Variants in EXOC6 observed in about 807,000 individuals in gnomAD.
EXOC6 encodes the protein SEC15-like 1.
Under a neutral mutation model 112.5 loss-of-function variants are expected in EXOC6, and 60 were observed. The ratio of observed to expected loss-of-function variants is 0.53; its 90% CI spans 0.43 to 0.66. EXOC6 has a LOEUF of 0.66. Ranked by LOEUF, EXOC6 falls within the 30% of genes least tolerant of loss-of-function variation. EXOC6 has a pLI of 0.00. For synonymous variants in EXOC6, 295 were observed against 308.0 expected (o/e 0.96, Z 0.44); for missense variants, 855 against 957.1 (o/e 0.89, Z 1.41).
At chr10:92,855,340 G>A (rs575506648) in intron 1 of EXOC6, among the ~76,000 whole-genome samples, 89 of 152,190 alleles carry the variant, frequency 5.8e-4, no homozygotes, top group African/African-American at 2.1e-3. Flanking sequence ...GAAACTACAG[G>A]CATGTTCCAC....
At chr10:93,015,536 A>C (rs1012365847) in intron 20 of EXOC6, among the ~76,000 whole-genome samples, 1 of 152,188 alleles carries the variant, frequency 6.6e-6, no homozygotes, top group Non-Finnish European at 1.5e-5. Flanking sequence ...GATCAAGATC[A>C]TCTTGGCTAA....
At chr10:92,856,727 G>A (rs895591211) in intron 1 of EXOC6, among the ~76,000 whole-genome samples, 2 of 152,070 alleles carry the variant, frequency 1.3e-5, no homozygotes, top group African/African-American at 2.4e-5. Context: ...TATTGTTCAC[G>A]TCTCCTATTC....
intron 14 of EXOC6, among the ~76,000 whole-genome samples, chr10:92,949,827 C>A (rs140236684): frequency 0.015 from 2,285 of 151,276 alleles, 55 homozygotes; most frequent in African/African-American, 0.052. Flanking sequence ...AACTCCTGAC[C>A]TCAGATGATC....
At chr10:92,884,252 TCAGTTGA>T (rs1230342091) in intron 1 of EXOC6, among the ~76,000 whole-genome samples, 15 of 152,234 alleles carry the variant, frequency 9.9e-5, no homozygotes, top group African/African-American at 3.6e-4. Flanking sequence ...CCAAAAGGTG[TCAGTTGA>T]CACAAGCAGT....
intron 18 of EXOC6, among the ~76,000 whole-genome samples, chr10:92,978,418 CAAAAG>C (rs1416096387): frequency 2.0e-5 from 3 of 151,196 alleles, no homozygotes; most frequent in African/African-American, 4.9e-5. Flanking sequence ...CAAAAAAAAA[CAAAAG>C]AGAAAAATGG....
intron 18 of EXOC6, 63 bp downstream of exon 18, chr10:92,974,295 A>G: frequency 8.4e-7 from 1 of 1,191,010 alleles, no homozygotes; most frequent in Non-Finnish European, 1.1e-6. Context: ...TTTAGAATTT[A>G]GTTTGAGGTT....
chr10:92,889,751 T>C (rs189842168), intron 1 of EXOC6, among the ~76,000 whole-genome samples: 24 of 152,172 alleles, frequency 1.6e-4, no homozygotes, highest in Admixed American at 7.2e-4. Flanking sequence ...TTTTTTTTTT[T>C]CTTTCTTTCT....
intron 1 of EXOC6, among the ~76,000 whole-genome samples, chr10:92,829,678 G>T (rs999770630): frequency 1.3e-5 from 2 of 152,188 alleles, no homozygotes; most frequent in Admixed American, 1.3e-4. Flanking sequence ...GTAAAATGAG[G>T]CTGATACCTA....
chr10:92,835,713 G>C (rs746049598), intron 1 of EXOC6, among the ~76,000 whole-genome samples: 6 of 152,066 alleles, frequency 3.9e-5, no homozygotes, highest in African/African-American at 7.2e-5. Flanking sequence ...ATCTTATTTT[G>C]CATTAAACAT....
At chr10:92,874,496 G>C (rs938163412) in intron 1 of EXOC6, among the ~76,000 whole-genome samples, 2 of 152,132 alleles carry the variant, frequency 1.3e-5, no homozygotes, top group Admixed American at 1.3e-4. Flanking sequence ...CATTTGGGAA[G>C]ATATGCTCTA....
chr10:92,943,082 C>T (rs1034260135), intron 13 of EXOC6, among the ~76,000 whole-genome samples: 4 of 150,192 alleles, frequency 2.7e-5, no homozygotes, highest in South Asian at 2.1e-4. Context: ...AGTGCAGTGG[C>T]GTGACCTCGG....
chr10:93,041,358 G>A (rs545188728), intron 20 of EXOC6, among the ~76,000 whole-genome samples: 1 of 152,134 alleles, frequency 6.6e-6, no homozygotes, highest in South Asian at 2.1e-4. Context: ...CCGAAGTGGT[G>A]AATCTGACCA....
At chr10:92,959,593 A>G (rs1853875099) in intron 17 of EXOC6, among the ~76,000 whole-genome samples, 1 of 152,196 alleles carries the variant, frequency 6.6e-6, no homozygotes, top group East Asian at 1.9e-4. Flanking sequence ...ACTGGGAGAA[A>G]ATATTTGAAA....
chr10:92,840,968 G>T (rs1846827338), intron 1 of EXOC6, among the ~76,000 whole-genome samples: 1 of 152,000 alleles, frequency 6.6e-6, no homozygotes, highest in Non-Finnish European at 1.5e-5. Context: ...TATTTATAGG[G>T]TATAACGTGA....
chr10:92,858,726 A>G (rs1054643635), intron 1 of EXOC6, among the ~76,000 whole-genome samples: 1 of 152,082 alleles, frequency 6.6e-6, no homozygotes, highest in African/African-American at 2.4e-5. Flanking sequence ...GCTACATCCA[A>G]CATCTGGGCC....
chr10:92,989,640 G>A (rs919884854), intron 18 of EXOC6, among the ~76,000 whole-genome samples: 11 of 152,204 alleles, frequency 7.2e-5, no homozygotes, highest in Admixed American at 4.6e-4. Flanking sequence ...GCTTTCATTT[G>A]CCCTTTTTAC....
At chr10:93,034,581 T>C (rs1815558619) in intron 20 of EXOC6, among the ~76,000 whole-genome samples, 1 of 152,226 alleles carries the variant, frequency 6.6e-6, no homozygotes, top group African/African-American at 2.4e-5. Context: ...TTGAATCTTA[T>C]GAAGGAATTG....
At chr10:92,860,900 A>G (rs1847882452) in intron 1 of EXOC6, among the ~76,000 whole-genome samples, 1 of 151,290 alleles carries the variant, frequency 6.6e-6, no homozygotes, top group Non-Finnish European at 1.5e-5. Context: ...TATTGTGAAT[A>G]ATGCTGCAGT....
intron 1 of EXOC6, among the ~76,000 whole-genome samples, chr10:92,836,710 CT>C (rs1241568984): frequency 1.3e-5 from 2 of 152,122 alleles, no homozygotes; most frequent in Non-Finnish European, 2.9e-5. Flanking sequence ...ATGAAGATTT[CT>C]TAGATTGGCA....
Sources: allele counts gnomAD v4.1 joint callset (sites outside exome capture counted in the v4.1 genomes callset), GRCh38; gene constraint gnomAD v4.1.1; transcripts MANE v1.5; gene names NCBI Gene and HGNC (gene_info 2026-07-23, HGNC 2026-07-21).